The following EXOC4 variants were observed in gnomAD, a reference collection of about 807,000 sequenced individuals.
EXOC4 encodes SEC8-like 1.
EXOC4 carries 71 observed loss-of-function variants against 107.2 expected under a neutral mutation model. The ratio of observed to expected loss-of-function variants is 0.66; its 90% confidence interval spans 0.55 to 0.81. The LOEUF is 0.81. EXOC4 is among the 30% of genes least tolerant of loss of function. The probability of loss-of-function intolerance (pLI) is 0.00; values close to 1 mark genes in which losing one functional copy is unlikely to be tolerated. For missense variants in EXOC4, 1,108 were observed against 1,189.6 expected (o/e 0.93, Z 1.01); for synonymous variants, 456 against 441.2 (o/e 1.03, Z -0.42).
rs115508022 is a variant in EXOC4, at chr7:133,830,434, T to G, written c.1734+12890T>G. Among the ~76,000 whole-genome samples, 834 of 152,356 alleles carry G rather than the reference T, an allele frequency of 5.5e-3. 9 individuals carry two copies. The highest frequency in any genetic ancestry group is 0.019 in the African/African-American group (778 of 41,588). The stretch of plus-strand genomic sequence containing the variant: ...TCTTCCAGCCTTTCAAAATGTTGCT[T>G]TAGAGCCAAAAGAAATCTTCAACAC... On this transcript the variant is annotated intron_variant, in intron 11 of 17. Coordinates refer to ENST00000253861, the MANE Select transcript of EXOC4 (RefSeq NM_021807.4).
At chr7:133,923,715 A>C in intron 13 of EXOC4, among the ~76,000 whole-genome samples, 1 of 152,022 alleles carries the variant, frequency 6.6e-6, no homozygotes, top group East Asian at 1.9e-4. Context: ...CACCTTTTTT[A>C]CTGTCTTAAT....
chr7:133,755,680 G>A (rs1227862332), intron 10 of EXOC4, among the ~76,000 whole-genome samples: 1 of 151,968 alleles, frequency 6.6e-6, no homozygotes, highest in East Asian at 1.9e-4. Flanking sequence ...AATAATAACA[G>A]TAACACCTAA....
chr7:133,499,636 T>G (rs1015510471), intron 9 of EXOC4, among the ~76,000 whole-genome samples: 3 of 152,116 alleles, frequency 2.0e-5, no homozygotes, highest in African/African-American at 7.2e-5. Context: ...AAATCTCATG[T>G]CAAATTGTCA....
chr7:133,594,545 A>T (rs192079168), intron 9 of EXOC4, among the ~76,000 whole-genome samples: 15 of 123,612 alleles, frequency 1.2e-4, no homozygotes, highest in African/African-American at 4.8e-4. Context: ...ACCAGGCTGG[A>T]GTGCGATGGC....
chr7:133,843,302 C>G (rs1483274576), intron 11 of EXOC4, among the ~76,000 whole-genome samples: 1 of 152,112 alleles, frequency 6.6e-6, no homozygotes, highest in Non-Finnish European at 1.5e-5. Context: ...TATCCATGAG[C>G]ATGGAATGTT....
At chr7:133,681,522 C>T (rs1201467065) in intron 10 of EXOC4, among the ~76,000 whole-genome samples, 1 of 152,118 alleles carries the variant, frequency 6.6e-6, no homozygotes, top group Non-Finnish European at 1.5e-5. Flanking sequence ...GTCACTGGGC[C>T]CAGCTTACAT....
the EXOC4 span, among the ~76,000 whole-genome samples, chr7:134,082,969 A>G: frequency 6.6e-6 from 1 of 152,354 alleles, no homozygotes; most frequent in African/African-American, 2.4e-5. Flanking sequence ...CACAGTTGAT[A>G]ACAGCCAGTG....
chr7:133,807,528 A>C (rs1473439724), intron 10 of EXOC4, among the ~76,000 whole-genome samples: 1 of 152,162 alleles, frequency 6.6e-6, no homozygotes, highest in Non-Finnish European at 1.5e-5. Flanking sequence ...TTCCAGGTGT[A>C]TGATGGATAT....
chr7:134,044,218 C>G (rs749317758), intron 17 of EXOC4, among the ~76,000 whole-genome samples: 1 of 152,170 alleles, frequency 6.6e-6, no homozygotes, highest in Non-Finnish European at 1.5e-5. Flanking sequence ...ATGAGAGCAG[C>G]CCTTCCTCTG....
chr7:133,722,199 T>A (rs1044944710), intron 10 of EXOC4, among the ~76,000 whole-genome samples: 61 of 152,340 alleles, frequency 4.0e-4, no homozygotes, highest in African/African-American at 1.4e-3. Flanking sequence ...CTTGGACGCC[T>A]GAAAACTGTT....
At chr7:133,322,427 T>C (rs543503902) in intron 5 of EXOC4, among the ~76,000 whole-genome samples, 11 of 152,350 alleles carry the variant, frequency 7.2e-5, no homozygotes, top group African/African-American at 2.4e-4. Context: ...GTTTCAGTTT[T>C]CTGCATATGG....
At chr7:133,579,927 C>T (rs1022990231) in intron 9 of EXOC4, among the ~76,000 whole-genome samples, 6 of 152,170 alleles carry the variant, frequency 3.9e-5, no homozygotes, top group Admixed American at 1.3e-4. Flanking sequence ...GATCTCTTGA[C>T]CTTGTGATCT....
At chr7:133,535,284 A>C (rs536384466) in intron 9 of EXOC4, among the ~76,000 whole-genome samples, 17 of 152,170 alleles carry the variant, frequency 1.1e-4, no homozygotes, top group Non-Finnish European at 2.5e-4. Context: ...CCTCCCGGTA[A>C]GTAAAAGCCA....
chr7:133,966,218 A>G (rs1046684719), intron 14 of EXOC4, among the ~76,000 whole-genome samples: 3 of 152,232 alleles, frequency 2.0e-5, no homozygotes, highest in African/African-American at 7.2e-5. Context: ...GCTTAAGGAA[A>G]TTCTGGGCTT....
chr7:133,253,290 C>T (rs1794934769), intron 1 of EXOC4, 103 bp downstream of exon 1: 2 of 1,450,296 alleles, frequency 1.4e-6, no homozygotes, highest in African/African-American at 2.9e-5. Context: ...TCTCCCCTTT[C>T]CTCCTTGCCT....
intron 1 of EXOC4, chr7:133,254,046 A>G (rs969083506): frequency 7.1e-6 from 1 of 141,390 alleles, no homozygotes; most frequent in Non-Finnish European, 1.5e-5. Flanking sequence ...TTTTTCATAA[A>G]CAAACACTCT....
chr7:133,378,259 G>GCTC (rs1435245935), intron 7 of EXOC4, among the ~76,000 whole-genome samples: 2 of 149,936 alleles, frequency 1.3e-5, no homozygotes, highest in Non-Finnish European at 2.9e-5. Context: ...GTAGTGAGCT[G>GCTC]CGATCGCGCC....
At chr7:133,755,320 T>C (rs1173907805) in intron 10 of EXOC4, among the ~76,000 whole-genome samples, 6 of 106,606 alleles carry the variant, frequency 5.6e-5, no homozygotes, top group Non-Finnish European at 9.5e-5. Flanking sequence ...ATATTATATA[T>C]ATATAATATA....
chr7:133,856,866 C>T (rs1167400414), intron 11 of EXOC4, among the ~76,000 whole-genome samples: 5 of 151,476 alleles, frequency 3.3e-5, no homozygotes, highest in Admixed American at 1.3e-4. Flanking sequence ...TTTGGGAGGC[C>T]AAGGCAGGCG....
Sources: allele counts gnomAD v4.1 joint callset (sites outside exome capture counted in the v4.1 genomes callset), GRCh38; gene constraint gnomAD v4.1.1; transcripts MANE v1.5; gene names NCBI Gene and HGNC (gene_info 2026-07-23, HGNC 2026-07-21).